Variants in OR2L13 observed in about 807,000 individuals in gnomAD.
OR2L13 encodes olfactory receptor family 2 subfamily L member 13, also known as olfactory receptor 2L13.
A neutral mutation model predicts 15.3 loss-of-function variants in OR2L13; 14 were observed. The observed-to-expected ratio is 0.91, with a 90% confidence interval of 0.60 to 1.43. OR2L13 has a LOEUF of 1.43. OR2L13 is among the 40% of genes most tolerant of loss of function. The pLI is 0.00. For missense variants in OR2L13, 367 were observed against 387.9 expected (o/e 0.95, Z 0.45); for synonymous variants, 152 against 142.9 (o/e 1.06, Z -0.45).
chr1:247,995,011 A>T, the OR2L13 span, among the ~76,000 whole-genome samples: 2 of 152,154 alleles, frequency 1.3e-5, no homozygotes, highest in Non-Finnish European at 2.9e-5. Context: ...TCCTTCCTTC[A>T]TCTGACTCTA....
the OR2L13 span, among the ~76,000 whole-genome samples, chr1:248,081,121 CATTTTGAAG>C: frequency 1.4e-4 from 22 of 152,110 alleles, no homozygotes; most frequent in Admixed American, 3.3e-4. Context: ...GCTAACCCAC[CATTTTGAAG>C]ATTTTGAAGA....
the OR2L13 span, among the ~76,000 whole-genome samples, chr1:248,058,442 A>C: frequency 6.6e-6 from 1 of 152,102 alleles, no homozygotes; most frequent in Non-Finnish European, 1.5e-5. Context: ...ATTACACCTT[A>C]TGTCTGCACC....
At chr1:248,076,324 A>G in the OR2L13 span, among the ~76,000 whole-genome samples, 2 of 152,178 alleles carry the variant, frequency 1.3e-5, no homozygotes, top group Admixed American at 6.5e-5. Context: ...TGTCTTGGCA[A>G]TGTGGGCTCT....
chr1:248,049,613 G>A, the OR2L13 span, among the ~76,000 whole-genome samples: 2 of 152,138 alleles, frequency 1.3e-5, no homozygotes, highest in Admixed American at 1.3e-4. Flanking sequence ...GTAAAACTGG[G>A]TGATACGAGG....
chr1:248,072,422 A>G, the OR2L13 span, among the ~76,000 whole-genome samples: 6 of 152,196 alleles, frequency 3.9e-5, no homozygotes, highest in African/African-American at 1.4e-4. Flanking sequence ...ACCCATAGCC[A>G]TATGTAGAAA....
At chr1:248,046,672 C>A in the OR2L13 span, among the ~76,000 whole-genome samples, 1 of 152,140 alleles carries the variant, frequency 6.6e-6, no homozygotes, top group Non-Finnish European at 1.5e-5. Flanking sequence ...ATCAGCAAAA[C>A]AACTGTTAAT....
the OR2L13 span, among the ~76,000 whole-genome samples, chr1:248,034,286 T>G: frequency 4.9e-4 from 74 of 152,330 alleles, no homozygotes; most frequent in African/African-American, 1.6e-3. Flanking sequence ...ACCATCATTC[T>G]TCACAGACAA....
the OR2L13 span, among the ~76,000 whole-genome samples, chr1:247,959,183 A>G: frequency 6.6e-6 from 1 of 151,956 alleles, no homozygotes; most frequent in African/African-American, 2.4e-5. Context: ...AAAGTATTTT[A>G]TTTCTCCTTC....
the OR2L13 span, among the ~76,000 whole-genome samples, chr1:247,941,340 T>A: frequency 8.5e-5 from 13 of 152,124 alleles, no homozygotes; most frequent in Non-Finnish European, 1.3e-4. Flanking sequence ...GGTTATATCA[T>A]AGATATTGAA....
At chr1:247,989,589 A>G in the OR2L13 span, among the ~76,000 whole-genome samples, 13 of 152,222 alleles carry the variant, frequency 8.5e-5, no homozygotes, top group African/African-American at 2.7e-4. Context: ...CTCACAAAAT[A>G]TAATTTCTGG....
the OR2L13 span, among the ~76,000 whole-genome samples, chr1:248,059,494 C>T: frequency 6.6e-6 from 1 of 152,090 alleles, no homozygotes; most frequent in South Asian, 2.1e-4. Flanking sequence ...AAGGCATCTG[C>T]TTTAACTAGA....
At chr1:248,011,415 C>A in the OR2L13 span, among the ~76,000 whole-genome samples, 1 of 152,022 alleles carries the variant, frequency 6.6e-6, no homozygotes, top group East Asian at 1.9e-4. Flanking sequence ...GTGAATCTGA[C>A]AATTATGTGT....
the OR2L13 span, chr1:247,949,735 A>C: frequency 6.2e-7 from 1 of 1,613,816 alleles, no homozygotes; most frequent in Non-Finnish European, 8.5e-7. Context: ...AGCCTGAGGA[A>C]CAAGGAGGTG....
At chr1:248,060,683 T>C in the OR2L13 span, 1 of 1,610,304 alleles carries the variant, frequency 6.2e-7, no homozygotes, top group Non-Finnish European at 8.5e-7. Flanking sequence ...GAATGCCCCA[T>C]GGAAAATTAC....
the OR2L13 span, among the ~76,000 whole-genome samples, chr1:248,026,783 G>A: frequency 2.0e-5 from 3 of 152,060 alleles, no homozygotes; most frequent in East Asian, 1.9e-4. Flanking sequence ...CAATCAATAC[G>A]CTTGTGATTT....
chr1:247,976,140 G>T, the OR2L13 span, among the ~76,000 whole-genome samples: 1 of 151,880 alleles, frequency 6.6e-6, no homozygotes, highest in Non-Finnish European at 1.5e-5. Context: ...TTATTTTTGG[G>T]GATAAGCCAA....
chr1:248,004,311 A>G, the OR2L13 span, among the ~76,000 whole-genome samples: 4,268 of 152,294 alleles, frequency 0.028, 164 homozygotes, highest in African/African-American at 0.098. Flanking sequence ...AATATTGTCA[A>G]TGAGAATGTT....
chr1:248,007,985 G>C, the OR2L13 span, among the ~76,000 whole-genome samples: 1 of 152,168 alleles, frequency 6.6e-6, no homozygotes, highest in East Asian at 1.9e-4. Context: ...ATATTTATTA[G>C]TTTGAGCTGA....
At chr1:248,002,954 A>G in the OR2L13 span, among the ~76,000 whole-genome samples, 1 of 152,096 alleles carries the variant, frequency 6.6e-6, no homozygotes, top group South Asian at 2.1e-4. Flanking sequence ...CTCTGATAGA[A>G]TTCAGCTATA....
Sources: allele counts gnomAD v4.1 joint callset (sites outside exome capture counted in the v4.1 genomes callset), GRCh38; gene constraint gnomAD v4.1.1; transcripts MANE v1.5; gene names NCBI Gene and HGNC (gene_info 2026-07-23, HGNC 2026-07-21).